The following ZNF804B variants were observed in gnomAD, a reference collection of about 807,000 sequenced individuals.
ZNF804B encodes the protein zinc finger 804B.
A neutral mutation model predicts 101.4 loss-of-function variants in ZNF804B; 80 were observed. That is an observed-to-expected ratio of 0.79 (90% CI 0.66 to 0.95). The LOEUF is 0.95. ZNF804B is among the 40% of genes least tolerant of loss of function. The probability of loss-of-function intolerance (pLI) is 0.00; values close to 1 mark genes in which losing one functional copy is unlikely to be tolerated. For missense variants in ZNF804B, 1,673 were observed against 1,561.9 expected (o/e 1.07, Z -1.20); for synonymous variants, 622 against 558.8 (o/e 1.11, Z -1.59).
At chr7:89,166,168 A>G (rs1327671475) in intron 1 of ZNF804B, among the ~76,000 whole-genome samples, 1 of 152,096 alleles carries the variant, frequency 6.6e-6, no homozygotes, top group Non-Finnish European at 1.5e-5. Context: ...TTGAATATTC[A>G]TTTTTATGCA....
At chr7:88,773,013 A>G (rs1790091743) in intron 1 of ZNF804B, among the ~76,000 whole-genome samples, 1 of 152,192 alleles carries the variant, frequency 6.6e-6, no homozygotes, top group African/African-American at 2.4e-5. Flanking sequence ...TGGACCATGA[A>G]CAGGAAGCAG....
At chr7:88,926,938 G>GC (rs113089451) in intron 1 of ZNF804B, among the ~76,000 whole-genome samples, 27,705 of 142,632 alleles carry the variant, frequency 0.19, 2,945 homozygotes, top group African/African-American at 0.3. Flanking sequence ...CCGGGTGGTG[G>GC]GGAGCGGGGG....
At chr7:88,774,859 G>C (rs907804611) in intron 1 of ZNF804B, among the ~76,000 whole-genome samples, 1 of 152,204 alleles carries the variant, frequency 6.6e-6, no homozygotes, top group Non-Finnish European at 1.5e-5. Context: ...CTGGATGGAA[G>C]AGCTCTGTGC....
chr7:88,856,072 T>A (rs1791551882), intron 1 of ZNF804B, among the ~76,000 whole-genome samples: 3 of 152,224 alleles, frequency 2.0e-5, no homozygotes, highest in Admixed American at 2.0e-4. Context: ...GGCTTAGGAT[T>A]GACTTGGCGA....
chr7:89,015,824 T>C (rs1788543747), intron 1 of ZNF804B, among the ~76,000 whole-genome samples: 1 of 152,198 alleles, frequency 6.6e-6, no homozygotes, highest in South Asian at 2.1e-4. Flanking sequence ...CATAGCAGCA[T>C]GATTTATAGT....
In ZNF804B at chr7:89,283,045, T is replaced by C. The variant is rs774565289; in HGVS notation, c.250-44299T>C. On this transcript the variant is annotated intron_variant, in intron 2 of 3. Transcript: ENST00000333190. Reference sequence around the variant, plus strand: ...TAAGAGATACAGCTAAGAAAACCAATCAGAACATGAAATTAAATAAAATTA... The same window carrying C: ...TAAGAGATACAGCTAAGAAAACCAACCAGAACATGAAATTAAATAAAATTA... 6.7e-4 allele frequency among the ~76,000 whole-genome samples: 102 copies of C among 152,038 alleles called. 2 individuals are homozygous for C. The highest frequency in any genetic ancestry group is 1.6e-4 in the Non-Finnish European group (11 of 68,010).
Position 89,336,082 on chromosome 7 carries a change from G to C in ZNF804B, c.3100G>C (p.Val1034Leu). Reference protein sequence around the residue: ...NHLSKGIIHLVTESQSLNIKR... With the variant: ...NHLSKGIIHLLTESQSLNIKR... ...TCTTTCTAAAGGTATAATTCACCTA[G>C]TAACAGAGTCTCAGTCACTAAACAT... Residue 1034 changes from valine to leucine, a missense_variant, in exon 4 of 4, where the codon GTA becomes CTA. Coordinates refer to ENST00000333190, the MANE Select transcript of ZNF804B (RefSeq NM_181646.5). 6.2e-7 allele frequency: 1 copy of C among 1,613,936 alleles called. No homozygotes were observed.
At chr7:88,944,116 C>A (rs1392883592) in intron 1 of ZNF804B, among the ~76,000 whole-genome samples, 2 of 151,566 alleles carry the variant, frequency 1.3e-5, no homozygotes, top group Non-Finnish European at 2.9e-5. Context: ...GAATAAAAAT[C>A]CAGGAGATAT....
intron 2 of ZNF804B, among the ~76,000 whole-genome samples, chr7:89,324,225 CA>C (rs1484004994): frequency 6.6e-6 from 1 of 151,582 alleles, no homozygotes; most frequent in African/African-American, 2.4e-5. Flanking sequence ...TTCCTCCATG[CA>C]GTGGGTATCC....
chr7:89,173,679 A>G lies in ZNF804B; in HGVS notation c.109-44476A>G, dbSNP rs73395257. ...TAAATGTGAGCAAAAGAAACCAGAC[A>G]CATATGCTGATGAATCCACCTGTTA... On this transcript the variant is annotated intron_variant, in intron 1 of 3. Transcript: ENST00000333190. Among the ~76,000 whole-genome samples the G allele has an allele frequency of 4.1e-3, 630 of 152,120 alleles. 6 individuals are homozygous for G. Among genetic ancestry groups the G allele is most frequent in the African/African-American group, 0.014 (601 of 41,554 alleles).
intron 1 of ZNF804B, among the ~76,000 whole-genome samples, chr7:88,807,968 T>C (rs1350257635): frequency 1.3e-5 from 2 of 152,158 alleles, no homozygotes; most frequent in East Asian, 3.9e-4. Context: ...AACTGTCTGG[T>C]TGCTGTTAGT....
intron 1 of ZNF804B, among the ~76,000 whole-genome samples, chr7:89,152,726 A>G (rs1790898391): frequency 6.6e-6 from 1 of 152,164 alleles, no homozygotes; most frequent in Non-Finnish European, 1.5e-5. Flanking sequence ...TTTAACATCA[A>G]TGTTGAGGCA....
At chr7:88,809,227 A>G (rs1159705488) in intron 1 of ZNF804B, among the ~76,000 whole-genome samples, 2 of 152,212 alleles carry the variant, frequency 1.3e-5, no homozygotes, top group South Asian at 2.1e-4. Flanking sequence ...AATTTTAAAT[A>G]GAAATCTTAC....
At position 89,335,377 on chromosome 7, in the gene ZNF804B, C is replaced by A; in HGVS notation, c.2395C>A (p.Arg799Ser). 6.2e-7 allele frequency: 1 copy of A among 1,613,650 alleles called. No homozygotes were observed. The highest frequency in any genetic ancestry group is 2.2e-5 in the East Asian group (1 of 44,844). ...ATTTAAAAATGAAAAATACTCAAAA[C>A]GTAGATATTGTCACTGCAGAGAAAG... ...ESFKNEKYSKRRYCHCRERQK... is the reference protein window; with the variant it reads ...ESFKNEKYSKSRYCHCRERQK... Residue 799 changes from arginine (R) to serine (S), a missense_variant, in exon 4 of 4, where the codon CGT becomes AGT. Coordinates refer to ENST00000333190, the MANE Select transcript of ZNF804B (RefSeq NM_181646.5).
At chr7:88,847,731 C>T (rs1294468351) in intron 1 of ZNF804B, among the ~76,000 whole-genome samples, 1 of 152,018 alleles carries the variant, frequency 6.6e-6, no homozygotes, top group African/African-American at 2.4e-5. Flanking sequence ...AATCTAAATG[C>T]ACTTAGCATG....
intron 1 of ZNF804B, among the ~76,000 whole-genome samples, chr7:89,016,752 A>G (rs1788569530): frequency 6.6e-6 from 1 of 152,150 alleles, no homozygotes; most frequent in South Asian, 2.1e-4. Flanking sequence ...CTTGTAGTAT[A>G]GTTTGAAGTC....
intron 1 of ZNF804B, among the ~76,000 whole-genome samples, chr7:88,922,626 TACAC>T (rs571864304): frequency 2.4e-5 from 2 of 84,008 alleles, no homozygotes; most frequent in African/African-American, 8.5e-5. Context: ...TATATATATA[TACAC>T]ACACACTTTT....
intron 1 of ZNF804B, among the ~76,000 whole-genome samples, chr7:88,876,818 A>G (rs1316906025): frequency 1.3e-5 from 2 of 151,362 alleles, no homozygotes; most frequent in East Asian, 3.9e-4. Context: ...TAAAATCTTT[A>G]TAAGAGAATA....
chr7:88,908,590 T>C (rs917077021), intron 1 of ZNF804B, among the ~76,000 whole-genome samples: 2 of 151,960 alleles, frequency 1.3e-5, no homozygotes, highest in Non-Finnish European at 1.5e-5. Context: ...ATCTTCCCAG[T>C]GTTTTTTTAA....
Sources: gnomAD v4.1 joint callset for allele counts (sites outside exome capture counted in the v4.1 genomes callset) on GRCh38, gnomAD v4.1.1 for gene constraint, MANE v1.5 for transcripts, NCBI Gene and HGNC (gene_info 2026-07-23, HGNC 2026-07-21) for gene names.